The following SORCS2 variants were observed in gnomAD, a reference collection of about 807,000 sequenced individuals.
SORCS2 encodes VPS10 domain-containing receptor SorCS2.
A neutral mutation model predicts 141.6 loss-of-function variants in SORCS2; 100 were observed. The ratio of observed to expected loss-of-function variants is 0.71; its 90% confidence interval spans 0.60 to 0.83. The LOEUF is 0.83. Ranked by LOEUF, SORCS2 falls within the 40% of genes least tolerant of loss-of-function variation. The pLI, the probability that SORCS2 is intolerant of heterozygous loss-of-function variation, is 0.00. For missense variants in SORCS2, 1,646 were observed against 1,560.2 expected (o/e 1.05, Z -0.93); for synonymous variants, 789 against 676.9 (o/e 1.17, Z -2.57).
intron 2 of SORCS2, among the ~76,000 whole-genome samples, chr4:7,458,957 TG>T (rs1443407851): frequency 2.0e-5 from 3 of 152,012 alleles, no homozygotes; most frequent in African/African-American, 4.8e-5. Context: ...CTGCGGGGAC[TG>T]GGCTTGGGCC....
At chr4:7,517,584 C>A (rs547552685) in intron 2 of SORCS2, among the ~76,000 whole-genome samples, 2 of 152,244 alleles carry the variant, frequency 1.3e-5, no homozygotes, top group East Asian at 3.9e-4. Flanking sequence ...AACTGGCATA[C>A]GAAAATGTTA....
intron 2 of SORCS2, among the ~76,000 whole-genome samples, chr4:7,462,800 T>C (rs10025851): frequency 0.4 from 60,578 of 149,738 alleles, 13,433 homozygotes; most frequent in African/African-American, 0.57. Flanking sequence ...AACAACAGCA[T>C]GTTGTGAGCA....
chr4:7,638,841 C>A (rs926305538), intron 4 of SORCS2, among the ~76,000 whole-genome samples: 12 of 152,364 alleles, frequency 7.9e-5, no homozygotes, highest in South Asian at 4.1e-4. Context: ...TTCTCCACTT[C>A]CAGAACATTG....
At chr4:7,553,930 A>G (rs1015967796) in intron 3 of SORCS2, among the ~76,000 whole-genome samples, 2 of 152,164 alleles carry the variant, frequency 1.3e-5, no homozygotes, top group Non-Finnish European at 2.9e-5. Context: ...ATTTTGAGAA[A>G]TCCCAAACAA....
At chr4:7,692,105 A>G (rs889871961) in intron 11 of SORCS2, among the ~76,000 whole-genome samples, 6 of 152,168 alleles carry the variant, frequency 3.9e-5, no homozygotes, top group East Asian at 1.9e-4. Context: ...AGGTGGGCCA[A>G]TTGATGTGTC....
In SORCS2 at chr4:7,355,321, C is replaced by G. The variant is rs139071191; in HGVS notation, c.481-40967C>G. 7.4e-3 allele frequency among the ~76,000 whole-genome samples: 1,128 copies of G among 152,314 alleles called. 10 individuals carry two copies. Among genetic ancestry groups the G allele is most frequent in the African/African-American group, 0.026 (1,086 of 41,560 alleles). ...CCCCGCCCCACCATCGCACAGATCT[C>G]TCTGGCTTGAGACAATCTTAGAACC... On this transcript the variant is annotated intron_variant, in intron 1 of 26. Coordinates refer to ENST00000507866, the MANE Select transcript of SORCS2 (RefSeq NM_020777.3).
intron 1 of SORCS2, among the ~76,000 whole-genome samples, chr4:7,328,534 G>A (rs1028526118): frequency 6.6e-6 from 1 of 152,186 alleles, no homozygotes; most frequent in Non-Finnish European, 1.5e-5. Context: ...GGGCTGCCCA[G>A]GTACAAGCCC....
At chr4:7,604,588 C>T (rs934357072) in intron 3 of SORCS2, among the ~76,000 whole-genome samples, 16 of 152,188 alleles carry the variant, frequency 1.1e-4, no homozygotes, top group Admixed American at 4.6e-4. Flanking sequence ...CATGAGCCGC[C>T]GCGCCCGGCC....
chr4:7,505,724 A>G (rs1290032743), intron 2 of SORCS2, among the ~76,000 whole-genome samples: 1 of 151,924 alleles, frequency 6.6e-6, no homozygotes, highest in Non-Finnish European at 1.5e-5. Flanking sequence ...AAGGCCCCAG[A>G]GCTGGGCAGC....
intron 1 of SORCS2, among the ~76,000 whole-genome samples, chr4:7,271,415 G>C (rs1018391008): frequency 6.6e-6 from 1 of 152,158 alleles, no homozygotes; most frequent in African/African-American, 2.4e-5. Flanking sequence ...GCGTGCTCCA[G>C]CCATGGCACC....
chr4:7,355,754 G>T (rs145802166), intron 1 of SORCS2, among the ~76,000 whole-genome samples: 1 of 152,244 alleles, frequency 6.6e-6, no homozygotes, highest in Non-Finnish European at 1.5e-5. Context: ...GCTGGGAAAC[G>T]CCCTCTCGCT....
intron 4 of SORCS2, among the ~76,000 whole-genome samples, chr4:7,638,693 G>A (rs1490704219): frequency 3.3e-5 from 5 of 152,158 alleles, no homozygotes; most frequent in African/African-American, 1.2e-4. Flanking sequence ...GTGCCCACTT[G>A]GCTGTGCTGT....
At chr4:7,427,916 C>T (rs1184368165) in intron 2 of SORCS2, among the ~76,000 whole-genome samples, 2 of 147,418 alleles carry the variant, frequency 1.4e-5, no homozygotes, top group Non-Finnish European at 3.0e-5. Context: ...TTGGAGGGGG[C>T]AGGCATCCGA....
chr4:7,369,873 C>G lies in SORCS2; in HGVS notation c.481-26415C>G, dbSNP rs540580981. ...CATCAGCTCTCACCCACTTCCGGAGCTTTCGCACACAGTGTCTTCTCCAGC... is the reference window on the plus strand; with the variant it reads ...CATCAGCTCTCACCCACTTCCGGAGGTTTCGCACACAGTGTCTTCTCCAGC... On this transcript the variant is annotated intron_variant, in intron 1 of 26. Coordinates refer to ENST00000507866, the MANE Select transcript of SORCS2 (RefSeq NM_020777.3). Among the ~76,000 whole-genome samples, 3 of 152,244 alleles carry G rather than the reference C, an allele frequency of 2.0e-5. No homozygotes were observed. In the East Asian group the frequency reaches 5.8e-4, roughly 29 times the overall value.
At chr4:7,736,227 C>T (rs1434916454) in intron 25 of SORCS2, among the ~76,000 whole-genome samples, 1 of 152,258 alleles carries the variant, frequency 6.6e-6, no homozygotes, top group African/African-American at 2.4e-5. Flanking sequence ...CCGGCAGGGG[C>T]TTGGCCCTCG....
intron 2 of SORCS2, among the ~76,000 whole-genome samples, chr4:7,446,425 C>T (rs1277739423): frequency 6.6e-6 from 1 of 152,200 alleles, no homozygotes; most frequent in Non-Finnish European, 1.5e-5. Context: ...TTTTAGGGGA[C>T]ACAATTCTAC....
Position 7,733,008 on chromosome 4 carries a change from C to T in SORCS2, c.3109-314C>T, listed in dbSNP as rs147749456. On this transcript the variant is annotated intron_variant, in intron 23 of 26. Coordinates refer to ENST00000507866, the MANE Select transcript of SORCS2 (RefSeq NM_020777.3). ...CCACCCCCCAACTCTCCCCTACTTC[C>T]GGTAGATCCCACCAGATCCCCCTCC... Among the ~76,000 whole-genome samples, 84 of 149,744 alleles carry T rather than the reference C, an allele frequency of 5.6e-4. No homozygotes were observed. In the East Asian group the frequency reaches 0.015, roughly 27 times the overall value.
chr4:7,691,126 C>T (rs973234063), intron 11 of SORCS2, among the ~76,000 whole-genome samples: 5 of 152,214 alleles, frequency 3.3e-5, no homozygotes, highest in Non-Finnish European at 5.9e-5. Context: ...GACCCCTTCC[C>T]TCCATTTCCC....
At chr4:7,520,668 TA>T (rs1181709323) in intron 2 of SORCS2, among the ~76,000 whole-genome samples, 1 of 152,174 alleles carries the variant, frequency 6.6e-6, no homozygotes, top group Non-Finnish European at 1.5e-5. Flanking sequence ...GGGGTGGCCC[TA>T]GGGGTGCTGC....
Sources: gnomAD v4.1 joint callset for allele counts (sites outside exome capture counted in the v4.1 genomes callset) on GRCh38, gnomAD v4.1.1 for gene constraint, MANE v1.5 for transcripts, NCBI Gene and HGNC (gene_info 2026-07-23, HGNC 2026-07-21) for gene names.